Variants in FAM81A observed in about 807,000 individuals in gnomAD.
The protein encoded by FAM81A is protein FAM81A.
FAM81A carries 19 observed loss-of-function variants against 46.7 expected under a neutral mutation model. The ratio of observed to expected loss-of-function variants is 0.41; its 90% CI spans 0.28 to 0.60. The LOEUF (loss-of-function observed/expected upper bound fraction) is 0.60. Ranked by LOEUF, FAM81A falls within the 20% of genes least tolerant of loss-of-function variation. FAM81A has a pLI of 0.34. For missense variants in FAM81A, 377 were observed against 453.5 expected, an observed-to-expected ratio of 0.83 and a Z score of 1.53; for synonymous variants, 183 against 152.9, an observed-to-expected ratio of 1.20 and a Z score of -1.45.
At chr15:59,471,796 G>A (rs1440266613) in intron 3 of FAM81A, among the ~76,000 whole-genome samples, 1 of 152,050 alleles carries the variant, frequency 6.6e-6, no homozygotes, top group Non-Finnish European at 1.5e-5. Context: ...TACATACATA[G>A]TTATCAAATT....
intron 2 of FAM81A, among the ~76,000 whole-genome samples, chr15:59,417,106 C>T (rs2081150009): frequency 6.6e-6 from 1 of 151,998 alleles, no homozygotes; most frequent in South Asian, 2.1e-4. Flanking sequence ...TGAAAGAATC[C>T]TGGGAAATAC....
chr15:59,519,456 C>T lies in FAM81A; in HGVS notation c.983-1798C>T, dbSNP rs144163997. ...CACCCGCCTCGGCCTGCCTTCCTCC[C>T]TCCCTCCCTCCCTCCTTTCCTTCCT... On this transcript the variant is annotated intron_variant, in intron 8 of 8. Coordinates refer to ENST00000288228, the MANE Select transcript of FAM81A (RefSeq NM_152450.3). Among the ~76,000 whole-genome samples the T allele has an allele frequency of 1.2e-3, 183 of 150,216 alleles. 1 individual carries two copies. Among genetic ancestry groups the T allele is most frequent in the African/African-American group, 4.2e-3 (170 of 40,894 alleles).
rs180749255 is a variant in FAM81A, at chr15:59,515,641, T to A, written c.787-1004T>A. Among the ~76,000 whole-genome samples, 790 of 152,214 alleles carry A rather than the reference T, an allele frequency of 5.2e-3. 2 individuals carry two copies. Among genetic ancestry groups the A allele is most frequent in the Middle Eastern group, 0.014 (4 of 294 alleles). On this transcript the variant is annotated intron_variant, in intron 7 of 8. Coordinates refer to ENST00000288228, the MANE Select transcript of FAM81A (RefSeq NM_152450.3). Reference sequence around the variant, plus strand: ...AAAGACTTAATTTTCATATATGATTTTATATATATTTAAAATATTAAATAT... The same window carrying A: ...AAAGACTTAATTTTCATATATGATTATATATATATTTAAAATATTAAATAT...
chr15:59,514,396 A>G lies in FAM81A; in HGVS notation c.758A>G (p.Gln253Arg), dbSNP rs763017232. The G allele has an allele frequency of 8.7e-6, 14 of 1,613,392 alleles. No homozygotes were observed. The highest frequency in any genetic ancestry group is 2.7e-5 in the African/African-American group (2 of 74,884). Residue 253 changes from glutamine (Q) to arginine (R), a missense_variant, in exon 7 of 9, where the codon CAG (glutamine) becomes CGG (arginine). By Grantham distance (43) the Gln-to-Arg change is conservative. Transcript: ENST00000288228. ...IEKELLQKID[Q>R]LSLIVKENSG... ...AAAGAGCTTTTACAGAAAATTGATCAGCTTTCCTTGATTGTTAAGGAAAAC... is the reference window on the plus strand; with the variant it reads ...AAAGAGCTTTTACAGAAAATTGATCGGCTTTCCTTGATTGTTAAGGAAAAC...
chr15:59,468,193 G>C (rs181227899), intron 3 of FAM81A, among the ~76,000 whole-genome samples: 3 of 152,158 alleles, frequency 2.0e-5, no homozygotes, highest in Admixed American at 6.5e-5. Flanking sequence ...TCTCTGCCAG[G>C]CTTTGGTATC....
chr15:59,428,766 A>G (rs1273787051), intron 2 of FAM81A, among the ~76,000 whole-genome samples: 1 of 151,384 alleles, frequency 6.6e-6, no homozygotes, highest in African/African-American at 2.4e-5. Context: ...AAGTAGCTGG[A>G]ATTAGAGGCG....
intron 4 of FAM81A, among the ~76,000 whole-genome samples, chr15:59,495,378 C>A (rs969677530): frequency 6.6e-6 from 1 of 152,234 alleles, no homozygotes; most frequent in Admixed American, 6.5e-5. Flanking sequence ...GTTATGGCTG[C>A]ATAGTACCTC....
chr15:59,485,843 G>A (rs538653657), intron 3 of FAM81A, among the ~76,000 whole-genome samples: 1 of 152,236 alleles, frequency 6.6e-6, no homozygotes, highest in African/African-American at 2.4e-5. Flanking sequence ...AGATAACACC[G>A]AGAAGGAATT....
chr15:59,404,755 C>G (rs2081086955), intron 2 of FAM81A, among the ~76,000 whole-genome samples: 1 of 152,230 alleles, frequency 6.6e-6, no homozygotes, highest in Admixed American at 6.5e-5. Flanking sequence ...CCATGCCCAG[C>G]TCATATTCTT....
chr15:59,478,863 G>C (rs1367743717), intron 3 of FAM81A, among the ~76,000 whole-genome samples: 12 of 152,180 alleles, frequency 7.9e-5, no homozygotes, highest in Non-Finnish European at 1.5e-4. Context: ...TCATGTCTGG[G>C]AACCAGAGAT....
intron 4 of FAM81A, among the ~76,000 whole-genome samples, chr15:59,503,712 A>G (rs1241729503): frequency 1.3e-5 from 2 of 152,114 alleles, no homozygotes; most frequent in Non-Finnish European, 2.9e-5. Context: ...AGCTGGGATT[A>G]CATGCGTGCA....
chr15:59,409,055 T>G (rs1414502766), intron 2 of FAM81A: 2 of 152,156 alleles, frequency 1.3e-5, no homozygotes, highest in Non-Finnish European at 2.9e-5. Context: ...TAAAACGTCA[T>G]CAAAAGGGCT....
chr15:59,407,456 G>A (rs999467875), intron 2 of FAM81A, among the ~76,000 whole-genome samples: 6 of 151,820 alleles, frequency 4.0e-5, no homozygotes, highest in Non-Finnish European at 7.4e-5. Context: ...CACCACGCCC[G>A]GGTAATTGTT....
chr15:59,496,276 C>A (rs73417057), intron 4 of FAM81A, among the ~76,000 whole-genome samples: 4,448 of 152,272 alleles, frequency 0.029, 233 homozygotes, highest in African/African-American at 0.1. Context: ...AAAGTCTATT[C>A]TTTCCCCCAT....
At chr15:59,449,800 A>G (rs1473680751) in intron 1 of FAM81A, among the ~76,000 whole-genome samples, 1 of 150,780 alleles carries the variant, frequency 6.6e-6, no homozygotes, top group African/African-American at 2.4e-5. Flanking sequence ...AAAAAAAAAA[A>G]AAAAAAAAAA....
At chr15:59,398,588 G>C (rs994631361) in intron 1 of FAM81A, among the ~76,000 whole-genome samples, 6 of 147,932 alleles carry the variant, frequency 4.1e-5, no homozygotes, top group Non-Finnish European at 9.1e-5. Context: ...GTGAAACCCA[G>C]TCTCTATCAA....
chr15:59,514,990 A>G (rs1308603502), intron 7 of FAM81A, among the ~76,000 whole-genome samples: 3 of 152,184 alleles, frequency 2.0e-5, no homozygotes, highest in African/African-American at 7.2e-5. Context: ...CACTCCTGTA[A>G]TCCCAGCACT....
intron 4 of FAM81A, among the ~76,000 whole-genome samples, chr15:59,505,324 C>G (rs1439978857): frequency 2.0e-5 from 3 of 152,006 alleles, no homozygotes; most frequent in African/African-American, 7.3e-5. Context: ...CCAGCCCGGC[C>G]AACATGGTGA....
At chr15:59,486,945 T>C (rs1168142899) in intron 3 of FAM81A, among the ~76,000 whole-genome samples, 1 of 151,860 alleles carries the variant, frequency 6.6e-6, no homozygotes, top group African/African-American at 2.4e-5. Context: ...CATCTGAAGG[T>C]ACAAAACTCA....
Sources: gnomAD v4.1 joint callset for allele counts (sites outside exome capture counted in the v4.1 genomes callset) on GRCh38, gnomAD v4.1.1 for gene constraint, MANE v1.5 for transcripts, NCBI Gene and HGNC (gene_info 2026-07-23, HGNC 2026-07-21) for gene names.